The following ZFHX4 variants were observed in gnomAD, a reference collection of about 807,000 sequenced individuals.
ZFHX4 encodes the protein zinc finger homeobox protein 4.
ZFHX4 carries 56 observed loss-of-function variants against 267.6 expected under a neutral mutation model. The observed-to-expected ratio is 0.21, with a 90% CI of 0.17 to 0.26. The LOEUF is 0.26. Ranked by LOEUF, ZFHX4 falls within the 10% of genes least tolerant of loss-of-function variation. ZFHX4 has a pLI of 1.00. For synonymous variants in ZFHX4, 1,778 were observed against 1,665.6 expected, an observed-to-expected ratio of 1.07 and a Z score of -1.64; for missense variants, 4,332 against 4,420.0, an observed-to-expected ratio of 0.98 and a Z score of 0.56.
intron 4 of ZFHX4, among the ~76,000 whole-genome samples, chr8:76,796,737 T>C (rs1357755526): frequency 6.6e-6 from 1 of 152,206 alleles, no homozygotes; most frequent in East Asian, 1.9e-4. Flanking sequence ...GTCCAATTTC[T>C]TATTTGTAAT....
chr8:76,785,419 A>T (rs1810660917), intron 4 of ZFHX4, among the ~76,000 whole-genome samples: 1 of 152,140 alleles, frequency 6.6e-6, no homozygotes, highest in African/African-American at 2.4e-5. Flanking sequence ...TTAGCTGCAG[A>T]TTTTTGCAGG....
chr8:76,754,354 T>C (rs935931683), intron 3 of ZFHX4, among the ~76,000 whole-genome samples: 1 of 152,038 alleles, frequency 6.6e-6, no homozygotes, highest in African/African-American at 2.4e-5. Flanking sequence ...CCGGGCATGG[T>C]GGTGCGCACC....
chr8:76,806,665 A>G lies in ZFHX4; in HGVS notation c.3326-26673A>G, dbSNP rs548234917. ...CTAAGCTTTTAATTATTTTTGTTAC[A>G]TGGATTTATAGCTTGAATCTTAAAA... On this transcript the variant is annotated intron_variant, in intron 4 of 10. Coordinates refer to ENST00000651372, the MANE Select transcript of ZFHX4 (RefSeq NM_024721.5). 3.3e-5 allele frequency among the ~76,000 whole-genome samples: 5 copies of G among 152,196 alleles called. No individual in the cohort carries two copies. The East Asian group carries it at 7.7e-4, about 24-fold the overall frequency.
At chr8:76,811,666 T>C (rs1811381725) in intron 4 of ZFHX4, among the ~76,000 whole-genome samples, 1 of 152,056 alleles carries the variant, frequency 6.6e-6, no homozygotes, top group Non-Finnish European at 1.5e-5. Flanking sequence ...ACACCAGAAG[T>C]GGTTTGGCAG....
intron 4 of ZFHX4, among the ~76,000 whole-genome samples, chr8:76,817,904 C>T (rs1166615408): frequency 6.6e-6 from 1 of 152,198 alleles, no homozygotes; most frequent in Non-Finnish European, 1.5e-5. Flanking sequence ...GAAGATTCTT[C>T]TACTACTACC....
intron 4 of ZFHX4, among the ~76,000 whole-genome samples, chr8:76,793,194 C>A (rs964220755): frequency 3.3e-5 from 5 of 151,934 alleles, no homozygotes; most frequent in Admixed American, 6.6e-5. Flanking sequence ...AGTTACCTTC[C>A]AAGGAACATT....
intron 5 of ZFHX4, 31 bp from the exon 6 acceptor site, chr8:76,842,624 G>A (rs1812264434): frequency 2.0e-6 from 3 of 1,524,918 alleles, no homozygotes; most frequent in Non-Finnish European, 2.7e-6. Context: ...GCGGTTTTCA[G>A]TTCTACTGAT....
At position 76,854,498 on chromosome 8, in the gene ZFHX4, C is replaced by T. The variant is rs765845437; in HGVS notation, c.7577C>T (p.Ser2526Phe). 3.7e-6 allele frequency: 6 copies of T among 1,613,740 alleles called. No individual in the cohort carries two copies. Among genetic ancestry groups the T allele is most frequent in the Non-Finnish European group, 5.1e-6 (6 of 1,179,884 alleles). Reference protein sequence around the residue: ...FLAAQNQFLHSPFLERPMDMP... With the variant: ...FLAAQNQFLHFPFLERPMDMP... Reference sequence around the variant, plus strand: ...GCTGCTCAAAACCAATTCCTTCACTCTCCGTTCTTGGAAAGGCCCATGGAC... The same window carrying T: ...GCTGCTCAAAACCAATTCCTTCACTTTCCGTTCTTGGAAAGGCCCATGGAC... The change falls in exon 10 of 11, where the codon TCT (serine) becomes TTT (phenylalanine). Residue 2526 changes from serine to phenylalanine, a missense_variant. Ser to Phe is a radical substitution (Grantham distance 155). Around this residue, in one of 7 missense-constraint regions of ZFHX4, gnomAD observed 1,648 missense variants for 1,625.0 expected, o/e 1.01. Coordinates refer to ENST00000651372, the MANE Select transcript of ZFHX4 (RefSeq NM_024721.5).
Position 76,849,136 on chromosome 8 carries a change from C to CT in ZFHX4, c.3645+15dup. 1.9e-6 allele frequency: 3 copies of CT among 1,543,000 alleles called. No homozygotes were observed. The highest frequency in any genetic ancestry group is 2.6e-6 in the Non-Finnish European group (3 of 1,144,876). ...AAATTCTGTCATGAACAGGTAAATA[C>CT]TTTTTTTCCCCTTTACTGTGTAAAT... On this transcript the variant is annotated intron_variant, in intron 7 of 10. Coordinates refer to ENST00000651372, the MANE Select transcript of ZFHX4 (RefSeq NM_024721.5).
At position 76,853,944 on chromosome 8, in the gene ZFHX4, T is replaced by A; in HGVS notation, c.7023T>A (p.Asp2341Glu). 1 of 1,613,860 alleles carries A rather than the reference T, an allele frequency of 6.2e-7. No homozygotes were observed. The highest frequency in any genetic ancestry group is 8.5e-7 in the Non-Finnish European group (1 of 1,179,864). Reference protein sequence around the residue: ...QKKQCYKDEDDDAQDESQTED... With the variant: ...QKKQCYKDEDEDAQDESQTED... ...AGCAGTGTTACAAGGATGAAGATGA[T>A]GATGCCCAAGATGAAAGCCAAACAG... The change falls in exon 10 of 11, where the codon GAT becomes GAA. Residue 2341 changes from aspartate (D) to glutamate (E), a missense_variant. Around this residue, in one of 7 missense-constraint regions of ZFHX4, gnomAD observed 1,648 missense variants for 1,625.0 expected, o/e 1.01. Coordinates refer to ENST00000651372, the MANE Select transcript of ZFHX4 (RefSeq NM_024721.5).
At chr8:76,707,294 C>T (rs1033822655) in intron 2 of ZFHX4, among the ~76,000 whole-genome samples, 6 of 152,156 alleles carry the variant, frequency 3.9e-5, no homozygotes, top group African/African-American at 1.4e-4. Flanking sequence ...TATTGATCAA[C>T]TTTCTTGCCC....
chr8:76,749,734 C>G (rs776160612), intron 3 of ZFHX4, among the ~76,000 whole-genome samples: 6 of 151,910 alleles, frequency 3.9e-5, no homozygotes, highest in Non-Finnish European at 8.8e-5. Context: ...TAATTTTTAC[C>G]CAATACATGT....
At chr8:76,819,585 G>T (rs1811592690) in intron 4 of ZFHX4, among the ~76,000 whole-genome samples, 2 of 152,130 alleles carry the variant, frequency 1.3e-5, no homozygotes, top group African/African-American at 4.8e-5. Flanking sequence ...AAGTTCATTT[G>T]TCCCTGTCTA....
Position 76,850,323 on chromosome 8 carries a change from C to T in ZFHX4, c.3925C>T (p.Pro1309Ser), listed in dbSNP as rs1320769643. The T allele has an allele frequency of 1.2e-6, 2 of 1,613,042 alleles. No individual in the cohort carries two copies. The highest frequency in any genetic ancestry group is 2.2e-5 in the East Asian group (1 of 44,806). Residue 1309 changes from proline to serine, a missense_variant, in exon 9 of 11, where the codon CCT becomes TCT. Around this residue, in one of 7 missense-constraint regions of ZFHX4, gnomAD observed 1,371 missense variants for 1,423.1 expected, o/e 0.96. Coordinates refer to ENST00000651372, the MANE Select transcript of ZFHX4 (RefSeq NM_024721.5). Reference sequence around the variant, plus strand: ...CTCTGAGAAATCAGAGCGGGACACACCTGCAGCCGTGACAGCTGAGGGGTC... The same window carrying T: ...CTCTGAGAAATCAGAGCGGGACACATCTGCAGCCGTGACAGCTGAGGGGTC... Reference protein sequence around the residue: ...AASEKSERDTPAAVTAEGSGK... With the variant: ...AASEKSERDTSAAVTAEGSGK...
rs1228092549 is a variant in ZFHX4, at chr8:76,863,289, A to G, written c.9575A>G (p.Lys3192Arg). 6.2e-7 allele frequency: 1 copy of G among 1,613,044 alleles called. No individual in the cohort carries two copies. Among genetic ancestry groups the G allele is most frequent in the East Asian group, 2.2e-5 (1 of 44,786 alleles). Reference sequence around the variant, plus strand: ...CAACAGAACAAAGAATCTGAGAAAAAGCAAACTAAGCCAAACAAGGTGAAA... The same window carrying G: ...CAACAGAACAAAGAATCTGAGAAAAGGCAAACTAAGCCAAACAAGGTGAAA... The part of the protein sequence containing the change: ...TEQQNKESEK[K>R]QTKPNKVKKI... Residue 3192 changes from lysine (K) to arginine (R), a missense_variant, in exon 11 of 11, where the codon AAG becomes AGG. Physicochemically the swap from Lys to Arg is conservative, Grantham distance 26 (BLOSUM62 2). This residue lies in a region of ZFHX4 where 1,648 missense variants were observed against 1,625.0 expected (regional missense o/e 1.01). Coordinates refer to ENST00000651372, the MANE Select transcript of ZFHX4 (RefSeq NM_024721.5).
At chr8:76,748,948 T>C (rs1214639135) in intron 3 of ZFHX4, among the ~76,000 whole-genome samples, 1 of 152,232 alleles carries the variant, frequency 6.6e-6, no homozygotes, top group African/African-American at 2.4e-5. Context: ...ATAACTTATT[T>C]ATTTATAAAA....
At chr8:76,772,864 G>T (rs888794750) in intron 3 of ZFHX4, among the ~76,000 whole-genome samples, 1 of 151,988 alleles carries the variant, frequency 6.6e-6, no homozygotes, top group African/African-American at 2.4e-5. Flanking sequence ...CTTGACTGCC[G>T]CTCTACCTGT....
At chr8:76,746,584 TC>T (rs1809465450) in intron 3 of ZFHX4, among the ~76,000 whole-genome samples, 1 of 152,236 alleles carries the variant, frequency 6.6e-6, no homozygotes, top group Non-Finnish European at 1.5e-5. Context: ...TCTGGGCTAT[TC>T]TATTTTGAAT....
intron 3 of ZFHX4, among the ~76,000 whole-genome samples, chr8:76,765,978 C>A (rs1585922423): frequency 6.6e-6 from 1 of 151,922 alleles, no homozygotes; most frequent in East Asian, 1.9e-4. Flanking sequence ...TATGATATGA[C>A]CATACTTAAA....
Sources: gnomAD v4.1 joint callset for allele counts (sites outside exome capture counted in the v4.1 genomes callset) on GRCh38, gnomAD v4.1.1 for gene constraint, gnomAD v4.1.1 regional missense constraint, MANE v1.5 for transcripts, NCBI Gene and HGNC (gene_info 2026-07-23, HGNC 2026-07-21) for gene names.